MYL5: variants seen among roughly 807,000 people sequenced by gnomAD.
MYL5 encodes the protein myosin regulatory light chain 5.
A neutral mutation model predicts 20.8 loss-of-function variants in MYL5; 28 were observed. The observed-to-expected ratio is 1.35, with a 90% CI of 1.00 to 1.84. The LOEUF (loss-of-function observed/expected upper bound fraction) is 1.84, where lower values mean the gene tolerates loss of function less well. Among genes scored for constraint, MYL5 ranks in the 40% most tolerant of loss-of-function variants. The pLI, the probability that MYL5 is intolerant of heterozygous loss-of-function variation, is 0.00. For synonymous variants in MYL5, 118 were observed against 87.4 expected (o/e 1.35, Z -1.95); for missense variants, 274 against 227.3 (o/e 1.21, Z -1.32).
rs141317789 is a variant in MYL5 at position 681,921 on chromosome 4, T to C, written c.449T>C (p.Ile150Thr). 11,739 of 1,321,088 alleles carry C rather than the reference T, an allele frequency of 8.9e-3. 69 individuals are homozygous for C. The highest frequency in any genetic ancestry group is 0.017 in the South Asian group (622 of 37,038). 81.8% of individuals were successfully genotyped at this position (1,321,088 alleles called of 1,614,324 possible). A position where few individuals can be genotyped will look rare whatever the true frequency, so the allele number is the denominator to read the frequency against. Reference sequence around the variant, plus strand: ...GACCAGATGTTCCAGTTCGCCTCCATCGATGTGGCGGGCAACCTGGACTAC... The same window carrying C: ...GACCAGATGTTCCAGTTCGCCTCCACCGATGTGGCGGGCAACCTGGACTAC... The change falls in exon 7 of 7, where the codon ATC becomes ACC. Residue 150 changes from isoleucine (I) to threonine (T), a missense_variant. Transcript: ENST00000400159.
upstream of MYL5, chr4:677,851 A>C: frequency 9.5e-7 from 1 of 1,054,280 alleles, no homozygotes; most frequent in Non-Finnish European, 1.4e-6. Context: ...GGTGTGAGTC[A>C]CTGCCAGGCT....
intron 5 of MYL5, 143 bp from the exon 8 acceptor site, chr4:680,949 C>T (rs983664951): frequency 5.4e-5 from 51 of 938,942 alleles, no homozygotes; most frequent in Non-Finnish European, 8.2e-5. Context: ...TGGGAAGGGA[C>T]CTGCCCCAGG....
At chr4:678,666 G>C (rs776201829) in exon 2 of MYL5, 2 of 1,608,184 alleles carry the variant, frequency 1.2e-6, no homozygotes, top group South Asian at 2.2e-5. Context: ...AGGCCAGCAG[G>C]AAGACCAAGA....
upstream of MYL5, chr4:677,911 T>C: frequency 1.3e-6 from 2 of 1,574,350 alleles, no homozygotes; most frequent in Non-Finnish European, 8.7e-7. Flanking sequence ...GCCCCAAGCC[T>C]GTCCTTGTAG....
upstream of MYL5, among the ~76,000 whole-genome samples, chr4:677,369 C>G (rs1033508326): frequency 1.3e-5 from 2 of 152,210 alleles, no homozygotes; most frequent in African/African-American, 4.8e-5. Context: ...GTGGGGAAGA[C>G]CAGGCTCAGG....
upstream of MYL5, chr4:674,669 C>A: frequency 4.1e-6 from 1 of 243,022 alleles, no homozygotes; most frequent in South Asian, 4.5e-5. Flanking sequence ...TTGCGCGGAG[C>A]GTCGGAGGCC....
In MYL5 at chr4:678,194, G is replaced by A. The variant is rs1739048117; in HGVS notation, c.3+165G>A. ...TGTGTGTGCATGAGCGTGTGTATGTGCGTGTGTGTGACCTTGCGGGTGTGG... is the reference window on the plus strand; with the variant it reads ...TGTGTGTGCATGAGCGTGTGTATGTACGTGTGTGTGACCTTGCGGGTGTGG... On this transcript the variant is annotated intron_variant, in intron 1 of 6. Transcript: ENST00000400159. The A allele has an allele frequency of 2.0e-6, 3 of 1,526,092 alleles. No homozygotes were observed. The South Asian group carries it at 3.7e-5, about 19-fold the overall frequency. The allele number at this position is 1,526,092 out of a possible 1,614,324, so 94.5% of individuals were successfully genotyped here.
At chr4:678,583 C>G in intron 1 of MYL5, 75 bp from the exon 4 acceptor site, 1 of 1,537,170 alleles carries the variant, frequency 6.5e-7, no homozygotes, top group Non-Finnish European at 8.8e-7. Flanking sequence ...TGAGTTAAGT[C>G]TCTCAAAACT....
intron 6 of MYL5, among the ~76,000 whole-genome samples, chr4:681,611 T>C (rs920791272): frequency 1.5e-4 from 1 of 6,454 alleles, no homozygotes; most frequent in Non-Finnish European, 3.4e-4. Context: ...CCCCGCCCCC[T>C]CCAGCGCCGC....
chr4:679,087 T>C lies in MYL5; in HGVS notation c.187+54T>C, dbSNP rs1739159439. The C allele has an allele frequency of 4.2e-6, 6 of 1,424,586 alleles. No individual in the cohort carries two copies. The East Asian group carries it at 1.6e-4, about 38-fold the overall frequency. The allele number at this position is 1,424,586 out of a possible 1,614,324, so 88.2% of individuals were successfully genotyped here. On this transcript the variant is annotated intron_variant, in intron 3 of 6. Transcript: ENST00000400159. The stretch of plus-strand genomic sequence containing the variant: ...CCCTTGGAGGAGGCGAACACAGAGG[T>C]CCTCCAGCTCCAGACGCCGCGGCCC...
At chr4:680,083 T>C (rs73219286) in intron 4 of MYL5, 65 bp downstream of exon 6, 51,710 of 1,369,644 alleles carry the variant, frequency 0.038, 1,231 homozygotes, top group Non-Finnish European at 0.045. Flanking sequence ...ATCCGGACAT[T>C]TCACGTAAAA....
exon 6 of MYL5, chr4:681,131 G>T: frequency 2.5e-6 from 4 of 1,606,636 alleles, no homozygotes; most frequent in Non-Finnish European, 3.4e-6. Context: ...ACAAGATGAC[G>T]GCGGAAGAGG....
exon 1 of MYL5, chr4:677,941 G>T: frequency 1.2e-6 from 2 of 1,611,236 alleles, no homozygotes; most frequent in South Asian, 2.2e-5. Context: ...GCCGGAGTCT[G>T]AACTGTCCTG....
intron 2 of MYL5, 57 bp downstream of exon 4, chr4:678,822 A>G (rs951938452): frequency 6.2e-7 from 1 of 1,607,104 alleles, no homozygotes. Flanking sequence ...TGCTGGGAAG[A>G]CCCCATGTGG....
At chr4:681,192 G>C in intron 6 of MYL5, 52 bp downstream of exon 8, 1 of 1,565,228 alleles carries the variant, frequency 6.4e-7, no homozygotes, top group South Asian at 1.2e-5. Flanking sequence ...CGGGGCTCCC[G>C]GGGTCAGCTG....
At position 678,041 on chromosome 4, in the gene MYL5, G is replaced by A. The variant is rs368566355; in HGVS notation, c.3+12G>A. ...CAGAAGCAGGCATGGTGAGCAGGCC[G>A]CCGTGCATGCCTGGGGCAGGCGTGT... On this transcript the variant is annotated intron_variant, in intron 1 of 6. Transcript: ENST00000400159. 73 of 1,613,184 alleles carry A rather than the reference G, an allele frequency of 4.5e-5. No homozygotes were observed. The Middle Eastern group carries it at 6.6e-4, about 15-fold the overall frequency.
At chr4:681,138 G>A (rs1739445250) in exon 6 of MYL5, 2 of 1,605,660 alleles carry the variant, frequency 1.2e-6, no homozygotes, top group East Asian at 4.5e-5. Flanking sequence ...GACGGCGGAA[G>A]AGGTCTGGCC....
upstream of MYL5, chr4:674,674 G>C (rs1441710265): frequency 4.1e-6 from 1 of 243,602 alleles, no homozygotes; most frequent in Non-Finnish European, 8.1e-6. Flanking sequence ...CGGAGCGTCG[G>C]AGGCCTGAGG....
At chr4:676,930 C>T (rs776452960), upstream of MYL5, 106 of 985,258 alleles carry the variant, frequency 1.1e-4, no homozygotes, top group Non-Finnish European at 1.2e-4. Flanking sequence ...TGGCACCAGG[C>T]AGCATCTCAG....
Sources: gnomAD v4.1 joint callset for allele counts (sites outside exome capture counted in the v4.1 genomes callset) on GRCh38, gnomAD v4.1.1 for gene constraint, MANE v1.5 for transcripts, NCBI Gene and HGNC (gene_info 2026-07-23, HGNC 2026-07-21) for gene names.